Variants in CC2D2A observed in about 807,000 individuals in gnomAD.
The protein encoded by CC2D2A is coiled-coil and C2 domain containing 2A, also known as coiled-coil and C2 domain-containing protein 2A.
A neutral mutation model predicts 212.9 loss-of-function variants in CC2D2A; 155 were observed. The observed-to-expected ratio is 0.73, with a 90% CI of 0.64 to 0.83. The LOEUF (loss-of-function observed/expected upper bound fraction) is 0.83, where lower values mean the gene tolerates loss of function less well. Ranked by LOEUF, CC2D2A falls within the 40% of genes least tolerant of loss-of-function variation. The pLI is 0.00. For missense variants in CC2D2A, 1,856 were observed against 1,956.2 expected, an observed-to-expected ratio of 0.95 and a Z score of 0.97; for synonymous variants, 667 against 686.5, an observed-to-expected ratio of 0.97 and a Z score of 0.44.
intron 11 of CC2D2A, among the ~76,000 whole-genome samples, chr4:15,519,006 A>G (rs759042409): frequency 2.0e-5 from 3 of 152,208 alleles, no homozygotes; most frequent in Non-Finnish European, 4.4e-5. Context: ...TTACTTATGC[A>G]AATTTCTACA....
chr4:15,516,073 G>A, intron 10 of CC2D2A, 69 bp downstream of exon 10: 1 of 1,418,680 alleles, frequency 7.0e-7, no homozygotes, highest in Non-Finnish European at 9.3e-7. Context: ...TTTCCTAACA[G>A]GGCAGTCATT....
intron 4 of CC2D2A, among the ~76,000 whole-genome samples, chr4:15,494,466 A>C (rs1188521727): frequency 2.6e-5 from 4 of 152,256 alleles, no homozygotes; most frequent in Non-Finnish European, 4.4e-5. Context: ...AACTATCAGC[A>C]GTGCTGGGGC....
Position 15,589,604 on chromosome 4 carries a change from C to A in CC2D2A, c.4239C>A (p.Cys1413Ter). Residue 1413 changes from cysteine (C) to a stop codon, truncating the protein, a stop_gained, in exon 33 of 37, where the codon TGC becomes TGA. Coordinates refer to ENST00000424120, the MANE Select transcript of CC2D2A (RefSeq NM_001378615.1). LOFTEE classifies it high-confidence loss of function. ...EQGRYLIWNP[C>*]SGHFYGQFDT... ...GTCGTTATTTAATATGGAATCCCTGCAGTGGACATTTTTATGGACAATTTG... is the reference window on the plus strand; with the variant it reads ...GTCGTTATTTAATATGGAATCCCTGAAGTGGACATTTTTATGGACAATTTG... 1 of 1,612,602 alleles carries A rather than the reference C, an allele frequency of 6.2e-7. No individual in the cohort carries two copies. The highest frequency in any genetic ancestry group is 8.5e-7 in the Non-Finnish European group (1 of 1,179,040).
chr4:15,573,038 C>T (rs758612359), intron 28 of CC2D2A, among the ~76,000 whole-genome samples: 3 of 152,140 alleles, frequency 2.0e-5, no homozygotes, highest in Non-Finnish European at 4.4e-5. Flanking sequence ...GGCAGCTGAT[C>T]AGATGGTGCC....
At chr4:15,598,288 C>T (rs79212476) in intron 35 of CC2D2A, among the ~76,000 whole-genome samples, 198 of 152,174 alleles carry the variant, frequency 1.3e-3, no homozygotes, top group African/African-American at 4.5e-3. Context: ...GTGCTAAGCA[C>T]CAAAAAAGAA....
chr4:15,543,208 C>T (rs748003567), intron 17 of CC2D2A, among the ~76,000 whole-genome samples: 3 of 152,152 alleles, frequency 2.0e-5, no homozygotes, highest in Non-Finnish European at 2.9e-5. Flanking sequence ...GGATTGATAT[C>T]TGCATAGCTG....
intron 4 of CC2D2A, among the ~76,000 whole-genome samples, chr4:15,487,341 A>T (rs932796488): frequency 6.6e-6 from 1 of 152,056 alleles, no homozygotes; most frequent in Non-Finnish European, 1.5e-5. Flanking sequence ...GTGCCTATGT[A>T]TTTACAAGTA....
chr4:15,546,773 T>C (rs922327514), intron 17 of CC2D2A, among the ~76,000 whole-genome samples: 2 of 152,120 alleles, frequency 1.3e-5, no homozygotes, highest in Admixed American at 6.6e-5. Context: ...GGTCAGGTGG[T>C]TGAGGGCTGG....
At chr4:15,596,738 T>G (rs1225075472) in intron 34 of CC2D2A, among the ~76,000 whole-genome samples, 1 of 152,182 alleles carries the variant, frequency 6.6e-6, no homozygotes, top group Admixed American at 6.5e-5. Flanking sequence ...TTGAAGAACA[T>G]TACCCTAGAG....
intron 10 of CC2D2A, 101 bp from the exon 11 acceptor site, chr4:15,516,524 T>C: frequency 8.5e-7 from 1 of 1,177,016 alleles, no homozygotes; most frequent in South Asian, 1.7e-5. Context: ...ACATGAAATA[T>C]ATATGTTGAC....
chr4:15,567,835 G>A (rs777787623), intron 26 of CC2D2A, 49 bp downstream of exon 26: 2 of 1,342,222 alleles, frequency 1.5e-6, no homozygotes, highest in Non-Finnish European at 2.0e-6. Flanking sequence ...TTGAAGAAAT[G>A]TGAAGAAAGC....
At chr4:15,474,336 A>C (rs1368222978) in intron 1 of CC2D2A, among the ~76,000 whole-genome samples, 1 of 152,232 alleles carries the variant, frequency 6.6e-6, no homozygotes, top group Non-Finnish European at 1.5e-5. Flanking sequence ...GTAAGTGAGA[A>C]CATGCAAATG....
At chr4:15,470,450 G>A (rs1478410547) in intron 1 of CC2D2A, among the ~76,000 whole-genome samples, 1 of 152,066 alleles carries the variant, frequency 6.6e-6, no homozygotes, top group East Asian at 1.9e-4. Flanking sequence ...CAGAGAAAGG[G>A]CTACTAACCA....
chr4:15,553,388 C>T, intron 19 of CC2D2A, 83 bp downstream of exon 19: 1 of 1,419,752 alleles, frequency 7.0e-7, no homozygotes, highest in Non-Finnish European at 9.6e-7. Flanking sequence ...CTTGCAGTAT[C>T]ATATTCTTTC....
chr4:15,550,929 G>T lies in CC2D2A; in HGVS notation c.2287G>T (p.Glu763Ter). 2 of 1,608,272 alleles carry T rather than the reference G, an allele frequency of 1.2e-6. No individual in the cohort carries two copies. Among genetic ancestry groups the T allele is most frequent in the South Asian group, 1.1e-5 (1 of 90,738 alleles). The change falls in exon 18 of 37, where the codon GAG becomes TAG. Residue 763 changes from glutamate (E) to a stop codon, truncating the protein, a stop_gained. Transcript: ENST00000424120. LOFTEE classifies it high-confidence loss of function. ...VTGRAPTEEV[E>*]FSSNQHVTLD... ...TGGAAGGGCTCCTACTGAAGAAGTG[G>T]AGTTTAGCAGTAATCAGCATGTGAC...
intron 4 of CC2D2A, chr4:15,482,362 A>C: frequency 1.1e-6 from 1 of 884,576 alleles, no homozygotes. Flanking sequence ...AATACTATAG[A>C]CTGGGGGGCT....
chr4:15,576,565 CTTGT>C (rs1720419632), intron 29 of CC2D2A: 1 of 159,330 alleles, frequency 6.3e-6, no homozygotes, highest in East Asian at 1.9e-4. Context: ...AAGCCTGCCT[CTTGT>C]TTCTTTTTCT....
At chr4:15,566,192 A>G (rs1004583712) in intron 24 of CC2D2A, among the ~76,000 whole-genome samples, 2 of 152,206 alleles carry the variant, frequency 1.3e-5, no homozygotes, top group Non-Finnish European at 2.9e-5. Flanking sequence ...TTCCTTTAAG[A>G]ACAGCAGTTG....
chr4:15,556,519 A>G (rs1263103197), intron 20 of CC2D2A, among the ~76,000 whole-genome samples: 1 of 152,140 alleles, frequency 6.6e-6, no homozygotes, highest in East Asian at 1.9e-4. Context: ...CTTTTTAACT[A>G]TATGTTTTCC....
Sources: gnomAD v4.1 joint callset for allele counts (sites outside exome capture counted in the v4.1 genomes callset) on GRCh38, gnomAD v4.1.1 for gene constraint, MANE v1.5 for transcripts, NCBI Gene and HGNC (gene_info 2026-07-23, HGNC 2026-07-21) for gene names.